Variants in CACNB2 observed in about 807,000 individuals in gnomAD.
CACNB2 encodes calcium voltage-gated channel auxiliary subunit beta 2, also known as voltage-dependent L-type calcium channel subunit beta-2.
In CACNB2, 42 loss-of-function variants were observed where a neutral mutation model predicts 73.3. The ratio of observed to expected loss-of-function variants is 0.57; its 90% CI spans 0.45 to 0.74. The LOEUF (loss-of-function observed/expected upper bound fraction) is 0.74, where lower values mean the gene tolerates loss of function less well. Ranked by LOEUF, CACNB2 falls within the 30% of genes least tolerant of loss-of-function variation. CACNB2 has a pLI of 0.00. For missense variants in CACNB2, 940 were observed against 853.0 expected (o/e 1.10, Z -1.27); for synonymous variants, 348 against 310.3 (o/e 1.12, Z -1.28).
In CACNB2 at chr10:18,538,153, T is replaced by G. The variant is rs371659449; in HGVS notation, c.1303-27T>G. 6 of 1,613,114 alleles carry G rather than the reference T, an allele frequency of 3.7e-6. No individual in the cohort carries two copies. The East Asian group carries it at 1.3e-4, about 36-fold the overall frequency. On this transcript the variant is annotated intron_variant, in intron 12 of 13. Transcript: ENST00000324631. ...GGGGTGAAAACTGGGCTGGCATCAATGTGGTCTGGAATGTCTGCCTCTGCA... is the reference window on the plus strand; with the variant it reads ...GGGGTGAAAACTGGGCTGGCATCAAGGTGGTCTGGAATGTCTGCCTCTGCA...
intron 2 of CACNB2, among the ~76,000 whole-genome samples, chr10:18,255,064 C>A (rs2037227613): frequency 6.6e-6 from 1 of 152,168 alleles, no homozygotes; most frequent in South Asian, 2.1e-4. Context: ...TTCTCTCTAG[C>A]CGTCTTCCAA....
chr10:18,276,805 C>T (rs559707398), intron 2 of CACNB2, among the ~76,000 whole-genome samples: 2 of 152,302 alleles, frequency 1.3e-5, no homozygotes, highest in South Asian at 2.1e-4. Context: ...TCTTGAACTC[C>T]TGACCTCAGA....
At chr10:18,175,227 A>G (rs1403410101) in intron 2 of CACNB2, among the ~76,000 whole-genome samples, 2 of 152,206 alleles carry the variant, frequency 1.3e-5, no homozygotes, top group African/African-American at 4.8e-5. Context: ...ATTTACAGCA[A>G]CAGATAGTCA....
intron 2 of CACNB2, among the ~76,000 whole-genome samples, chr10:18,248,573 A>G (rs2036959301): frequency 6.6e-6 from 1 of 152,246 alleles, no homozygotes; most frequent in South Asian, 2.1e-4. Flanking sequence ...CTTTGTCACT[A>G]TGTAGCTCAT....
At chr10:18,267,012 A>T (rs547976121) in intron 2 of CACNB2, among the ~76,000 whole-genome samples, 19 of 151,830 alleles carry the variant, frequency 1.3e-4, no homozygotes, top group Non-Finnish European at 2.2e-4. Flanking sequence ...GTGTGTGTGT[A>T]TATATGTGTG....
chr10:18,243,871 C>G (rs1436673110), intron 2 of CACNB2, among the ~76,000 whole-genome samples: 1 of 152,132 alleles, frequency 6.6e-6, no homozygotes, highest in African/African-American at 2.4e-5. Context: ...ATAAATAACC[C>G]AGCCTCAAGT....
At position 18,368,810 on chromosome 10, in the gene CACNB2, T is replaced by C. The variant is rs574730660; in HGVS notation, c.214-33114T>C. Among the ~76,000 whole-genome samples the C allele has an allele frequency of 3.9e-4, 59 of 152,258 alleles. 1 individual carries two copies. Among genetic ancestry groups the C allele is most frequent in the African/African-American group, 1.3e-3 (54 of 41,570 alleles). The stretch of plus-strand genomic sequence containing the variant: ...AATAATTTGTGTCTTTTTTACATAA[T>C]TTCAGAAACCATATGCTCTATAATG... On this transcript the variant is annotated intron_variant, in intron 2 of 13. Transcript: ENST00000324631.
At chr10:18,407,130 T>TTTTTTTTTTTTG (rs2044340687) in intron 3 of CACNB2, among the ~76,000 whole-genome samples, 1 of 119,868 alleles carries the variant, frequency 8.3e-6, no homozygotes. Context: ...TTTTTTTTTT[T>TTTTTTTTTTTTG]TTTTTTTTTT....
intron 2 of CACNB2, among the ~76,000 whole-genome samples, chr10:18,336,628 GA>G (rs59632019): frequency 0.57 from 84,350 of 148,000 alleles, 24,578 homozygotes; most frequent in African/African-American, 0.73. Context: ...CTCAAAAAAA[GA>G]AAAAAAAAAA....
chr10:18,309,498 G>T (rs191111361), intron 2 of CACNB2, among the ~76,000 whole-genome samples: 58 of 152,028 alleles, frequency 3.8e-4, no homozygotes, highest in African/African-American at 1.4e-3. Context: ...TCGCTCTGTC[G>T]CCAGGCTGGA....
chr10:18,304,204 A>C (rs565841899), intron 2 of CACNB2, among the ~76,000 whole-genome samples: 1 of 152,150 alleles, frequency 6.6e-6, no homozygotes, highest in South Asian at 2.1e-4. Flanking sequence ...GAGCCTCCTG[A>C]CTCAGCCTCC....
chr10:18,365,264 T>C (rs1443554924), intron 2 of CACNB2, among the ~76,000 whole-genome samples: 1 of 152,236 alleles, frequency 6.6e-6, no homozygotes, highest in Non-Finnish European at 1.5e-5. Flanking sequence ...TCAAGCTGAT[T>C]GGCTTTGAAC....
At chr10:18,162,841 A>G (rs1454111005) in intron 2 of CACNB2, among the ~76,000 whole-genome samples, 1 of 152,236 alleles carries the variant, frequency 6.6e-6, no homozygotes, top group Non-Finnish European at 1.5e-5. Flanking sequence ...TGTTACTCTG[A>G]ATAGTGAGCA....
intron 3 of CACNB2, among the ~76,000 whole-genome samples, chr10:18,409,318 A>AG (rs1554812516): frequency 3.3e-5 from 5 of 149,796 alleles, no homozygotes; most frequent in Admixed American, 2.7e-4. Flanking sequence ...AAAAAAAAAA[A>AG]GTAGAGACAA....
At chr10:18,462,240 A>T (rs1022300184) in intron 3 of CACNB2, among the ~76,000 whole-genome samples, 1 of 152,188 alleles carries the variant, frequency 6.6e-6, no homozygotes, top group Non-Finnish European at 1.5e-5. Flanking sequence ...TAAGACAGCA[A>T]ATAGGAGCGC....
intron 2 of CACNB2, among the ~76,000 whole-genome samples, chr10:18,395,303 T>G (rs1192951099): frequency 6.6e-6 from 1 of 152,182 alleles, no homozygotes; most frequent in African/African-American, 2.4e-5. Context: ...CTGAGTTTTT[T>G]CTTTCATCGT....
rs1554843674 is a variant in CACNB2, at chr10:18,540,333, A to ATAAT, written c.*609_*610insTAAT. 1 of 144,932 alleles carries ATAAT rather than the reference A, an allele frequency of 6.9e-6. No individual in the cohort carries two copies. The highest frequency in any genetic ancestry group is 6.9e-5 in the Admixed American group (1 of 14,576). 9.0% of individuals were successfully genotyped at this position (144,932 alleles called of 1,614,324 possible). A position where few individuals can be genotyped will look rare whatever the true frequency, so the allele number is the denominator to read the frequency against. ...ACAAACACCTTCTTATTATATATAT[A>ATAAT]ATATATATATATATCAGTTTGATCA... On this transcript the variant is annotated 3_prime_UTR_variant, in exon 14 of 14. Transcript: ENST00000324631.
chr10:18,172,269 T>C (rs2033296427), intron 2 of CACNB2, among the ~76,000 whole-genome samples: 1 of 151,938 alleles, frequency 6.6e-6, no homozygotes, highest in Non-Finnish European at 1.5e-5. Flanking sequence ...GAGGCTGAGG[T>C]GGGAGGATCA....
intron 2 of CACNB2, among the ~76,000 whole-genome samples, chr10:18,382,741 A>G (rs1212466172): frequency 6.6e-6 from 1 of 152,200 alleles, no homozygotes; most frequent in Non-Finnish European, 1.5e-5. Context: ...ATGGATGCAT[A>G]GCATTTCATG....
Sources: gnomAD v4.1 joint callset for allele counts (sites outside exome capture counted in the v4.1 genomes callset) on GRCh38, gnomAD v4.1.1 for gene constraint, MANE v1.5 for transcripts, NCBI Gene and HGNC (gene_info 2026-07-23, HGNC 2026-07-21) for gene names.